Variants in SH3BP2 observed in about 807,000 individuals in gnomAD.
SH3BP2 encodes the protein SH3 domain binding protein 2, also known as SH3 domain-binding protein 2.
Under a neutral mutation model 56.2 loss-of-function variants are expected in SH3BP2, and 38 were observed. The observed-to-expected ratio is 0.68, with a 90% CI of 0.52 to 0.89. The LOEUF (loss-of-function observed/expected upper bound fraction) is 0.89. Among genes scored for constraint, SH3BP2 ranks in the 40% least tolerant of loss-of-function variants. SH3BP2 has a pLI of 0.00. For synonymous variants in SH3BP2, 346 were observed against 316.7 expected (o/e 1.09, Z -0.98); for missense variants, 748 against 762.6 (o/e 0.98, Z 0.23).
At chr4:2,808,301 C>T (rs145913674) in intron 1 of SH3BP2, among the ~76,000 whole-genome samples, 1,558 of 152,282 alleles carry the variant, frequency 0.01, 11 homozygotes, top group Non-Finnish European at 0.015. Context: ...TTCCAGGCAT[C>T]TTCTCCTACT....
chr4:2,819,301 C>T (rs1416577489), intron 1 of SH3BP2, among the ~76,000 whole-genome samples: 1 of 152,168 alleles, frequency 6.6e-6, no homozygotes, highest in African/African-American at 2.4e-5. Flanking sequence ...ACCACTGCAG[C>T]CTCAAACTCC....
intron 1 of SH3BP2, among the ~76,000 whole-genome samples, chr4:2,800,889 G>A (rs1453678463): frequency 2.0e-5 from 3 of 152,192 alleles, no homozygotes; most frequent in Admixed American, 6.5e-5. Context: ...GGTGTCCGGC[G>A]AGGTAGGGCA....
chr4:2,823,073 C>T, intron 3 of SH3BP2, 36 bp downstream of exon 3: 2 of 1,477,574 alleles, frequency 1.4e-6, no homozygotes, highest in Non-Finnish European at 1.9e-6. Flanking sequence ...CTCGGGCCCC[C>T]ACAGCCAGCG....
chr4:2,816,725 T>A (rs949523575), intron 1 of SH3BP2, among the ~76,000 whole-genome samples: 2 of 152,274 alleles, frequency 1.3e-5, no homozygotes, highest in Non-Finnish European at 2.9e-5. Flanking sequence ...TCTATTGATA[T>A]GGTGTATTAC....
In SH3BP2 at chr4:2,835,433, G is replaced by C. The variant is rs1367385113; in HGVS notation, c.*1599G>C. 6.6e-6 allele frequency: 1 copy of C among 152,162 alleles called. No homozygotes were observed. Among genetic ancestry groups the C allele is most frequent in the East Asian group, 1.9e-4 (1 of 5,188 alleles). 9.4% of individuals were successfully genotyped at this position (152,162 alleles called of 1,614,324 possible). On this transcript the variant is annotated 3_prime_UTR_variant, in exon 13 of 13. Transcript: ENST00000503393. ...AGGGGTTTCCTCTTCAGCCTGCCTG[G>C]GGTGAGAGGTCAGTGCACCACAGCC... is the stretch of plus-strand genomic sequence containing the variant.
Position 2,824,634 on chromosome 4 carries a change from G to T in SH3BP2, c.261G>T (p.Glu87Asp). The change falls in exon 4 of 13, where the codon GAG becomes GAT. Residue 87 changes from glutamate to aspartate, a missense_variant. Glu to Asp is a conservative substitution (Grantham distance 45). Around this residue, in one of 3 missense-constraint regions of SH3BP2, gnomAD observed 104 missense variants for 123.1 expected, o/e 0.84. Transcript: ENST00000503393. ...CCAGGGTGATGCGGGCGGCTGAGGA[G>T]ACCACGTCCAACAACGTTTTCCCCT... ...GYNRVMRAAE[E>D]TTSNNVFPFK... 1.2e-6 allele frequency: 2 copies of T among 1,613,844 alleles called. No individual in the cohort carries two copies. The highest frequency in any genetic ancestry group is 1.1e-5 in the South Asian group (1 of 91,078).
rs773270775 is a variant in SH3BP2 at position 2,827,279 on chromosome 4, G to C, written c.478G>C (p.Val160Leu). The C allele has an allele frequency of 4.3e-6, 7 of 1,614,214 alleles. No individual in the cohort carries two copies. Among genetic ancestry groups the C allele is most frequent in the Non-Finnish European group, 5.9e-6 (7 of 1,180,030 alleles). ...CTTCTACGGCGCAGTTGAGCGGCCT[G>C]TGGATATCAGCCTTTCCCCGTACCC... ...DSFYGAVERPVDISLSPYPTD... is the reference protein window; with the variant it reads ...DSFYGAVERPLDISLSPYPTD... Residue 160 changes from valine to leucine, a missense_variant, in exon 6 of 13, where the codon GTG becomes CTG. Physicochemically the swap from Val to Leu is conservative, Grantham distance 32. Coordinates refer to ENST00000503393, the MANE Select transcript of SH3BP2 (RefSeq NM_001122681.2).
rs575827400 is a variant in SH3BP2 at position 2,829,333 on chromosome 4, G to T, written c.587-160G>T. ...TGGGTGGTCTGGGACCCTGGGGAAG[G>T]CAGGATGGGAGTGCTGGGTGCTGGG... On this transcript the variant is annotated intron_variant, in intron 7 of 12. Transcript: ENST00000503393. The surrounding 1 kb of genome is among the most constrained non-coding windows in gnomAD (Gnocchi z 4.9). 2.3e-3 allele frequency among the ~76,000 whole-genome samples: 350 copies of T among 152,248 alleles called. No individual in the cohort carries two copies. Among genetic ancestry groups the T allele is most frequent in the Middle Eastern group, 0.01 (3 of 294 alleles).
In SH3BP2 at chr4:2,835,761, A is replaced by G. The variant is rs1315050343; in HGVS notation, c.*1927A>G. 1 of 152,236 alleles carries G rather than the reference A, an allele frequency of 6.6e-6. No individual in the cohort carries two copies. Among genetic ancestry groups the G allele is most frequent in the Non-Finnish European group, 1.5e-5 (1 of 68,096 alleles). The allele number at this position is 152,236 out of a possible 1,614,324, so 9.4% of individuals were successfully genotyped here. A position where few individuals can be genotyped will look rare whatever the true frequency, so the allele number is the denominator to read the frequency against. Reference sequence around the variant, plus strand: ...TGCCTCAGCCTCCCGAGTAGCTGGGATTCCAGGCGCCCGCCACCACGCCTG... The same window carrying G: ...TGCCTCAGCCTCCCGAGTAGCTGGGGTTCCAGGCGCCCGCCACCACGCCTG... On this transcript the variant is annotated 3_prime_UTR_variant, in exon 13 of 13. Transcript: ENST00000503393.
At chr4:2,822,897 CT>C in intron 2 of SH3BP2, 37 bp from the exon 3 acceptor site, 1 of 1,556,114 alleles carries the variant, frequency 6.4e-7, no homozygotes, top group Non-Finnish European at 8.8e-7. Context: ...GCAGCTGCCC[CT>C]CCAGGCTCAC....
intron 1 of SH3BP2, among the ~76,000 whole-genome samples, chr4:2,816,194 A>G (rs2108719012): frequency 6.6e-6 from 1 of 152,030 alleles, no homozygotes; most frequent in Admixed American, 6.6e-5. Context: ...AGCTGGGATT[A>G]CAGGTGCCTG....
In SH3BP2 at chr4:2,829,954, C is replaced by T. The variant is rs1724890236; in HGVS notation, c.1048C>T (p.Pro350Ser). The change falls in exon 8 of 13, where the codon CCA becomes TCA. Residue 350 changes from proline (P) to serine (S), a missense_variant. Coordinates refer to ENST00000503393, the MANE Select transcript of SH3BP2 (RefSeq NM_001122681.2). The surrounding 1 kb of genome is among the most constrained non-coding windows in gnomAD (Gnocchi z 4.9). ...SPRGPPTSEP[P>S]PVPANKPKFL... ...CCGAGGACCACCCACATCTGAGCCC[C>T]CACCTGTGCCAGCCAACAAGCCCAA... 6.2e-7 allele frequency: 1 copy of T among 1,613,578 alleles called. No homozygotes were observed. Among genetic ancestry groups the T allele is most frequent in the Non-Finnish European group, 8.5e-7 (1 of 1,179,950 alleles).
rs781343897 is a variant in SH3BP2, at chr4:2,832,943, C to A, written c.1489-47C>A. 4 of 1,591,436 alleles carry A rather than the reference C, an allele frequency of 2.5e-6. No individual in the cohort carries two copies. In the East Asian group the frequency reaches 8.9e-5, roughly 36 times the overall value. On this transcript the variant is annotated intron_variant, in intron 11 of 12. Transcript: ENST00000503393. ...CAGCCCATGGTCTCCCGAGGCTGGT[C>A]CCGCTGTTTCTCAGGGAGCCGTCAG...
intron 1 of SH3BP2, chr4:2,811,662 A>G (rs952484403): frequency 6.5e-6 from 1 of 154,194 alleles, no homozygotes; most frequent in African/African-American, 2.4e-5. Flanking sequence ...TGTACTTTCT[A>G]GCAAACCAGA....
chr4:2,831,774 G>A lies in SH3BP2; in HGVS notation c.1350+95G>A, dbSNP rs1337040952. On this transcript the variant is annotated intron_variant, in intron 9 of 12. Coordinates refer to ENST00000503393, the MANE Select transcript of SH3BP2 (RefSeq NM_001122681.2). The surrounding 1 kb of genome is among the most constrained non-coding windows in gnomAD (Gnocchi z 4.1). The stretch of plus-strand genomic sequence containing the variant: ...AGGGCGGCCCCTCACAGACCGTCCT[G>A]AGCAAGGACCCCCCGAGAACCCGGG... 1.5e-6 allele frequency: 2 copies of A among 1,355,708 alleles called. No homozygotes were observed. The highest frequency in any genetic ancestry group is 2.9e-5 in the African/African-American group (2 of 69,204). 84.0% of individuals were successfully genotyped at this position (1,355,708 alleles called of 1,614,324 possible). A position where few individuals can be genotyped will look rare whatever the true frequency, so the allele number is the denominator to read the frequency against.
chr4:2,818,884 GT>G (rs1445021427), intron 1 of SH3BP2: 1 of 985,496 alleles, frequency 1.0e-6, no homozygotes, highest in Non-Finnish European at 1.2e-6. Flanking sequence ...TTGCACTTTT[GT>G]TGGAGGGTGC....
At chr4:2,828,629 G>A (rs918163327) in intron 7 of SH3BP2, among the ~76,000 whole-genome samples, 3 of 152,210 alleles carry the variant, frequency 2.0e-5, no homozygotes, top group Non-Finnish European at 4.4e-5. Flanking sequence ...CTCAGACTCC[G>A]TCTGCCCAGC....
rs73080388 is a variant in SH3BP2, at chr4:2,813,637, G to A, written c.-4-6977G>A. Among the ~76,000 whole-genome samples the A allele has an allele frequency of 8.3e-3, 1,266 of 152,320 alleles. 17 individuals carry two copies. The highest frequency in any genetic ancestry group is 0.029 in the African/African-American group (1,201 of 41,558). On this transcript the variant is annotated intron_variant, in intron 1 of 12. Coordinates refer to ENST00000503393, the MANE Select transcript of SH3BP2 (RefSeq NM_001122681.2). The stretch of plus-strand genomic sequence containing the variant: ...TCAGGACACGGAGACACAGAAGACC[G>A]CACTTGACAGGTCTTGTTGGTCGTT...
At position 2,831,839 on chromosome 4, in the gene SH3BP2, C is replaced by A; in HGVS notation, c.1351-84C>A. The A allele has an allele frequency of 6.7e-7, 1 of 1,499,220 alleles. No individual in the cohort carries two copies. The allele number at this position is 1,499,220 out of a possible 1,614,324, so 92.9% of individuals were successfully genotyped here. On this transcript the variant is annotated intron_variant, in intron 9 of 12. Coordinates refer to ENST00000503393, the MANE Select transcript of SH3BP2 (RefSeq NM_001122681.2). The surrounding 1 kb of genome is among the most constrained non-coding windows in gnomAD (Gnocchi z 4.1). The stretch of plus-strand genomic sequence containing the variant: ...CAGCACCATGTAAAGCCCCGGATCC[C>A]GGCACCGGGTGGCCACCGTCCGGGG...
Sources: allele counts gnomAD v4.1 joint callset (sites outside exome capture counted in the v4.1 genomes callset), GRCh38; gene constraint gnomAD v4.1.1; regional missense constraint gnomAD v4.1.1; non-coding constraint Gnocchi (gnomAD v3.1); transcripts MANE v1.5; gene names NCBI Gene and HGNC (gene_info 2026-07-23, HGNC 2026-07-21).